The following PTPRD variants were observed in gnomAD, a reference collection of about 807,000 sequenced individuals.
The protein encoded by PTPRD is receptor-type tyrosine-protein phosphatase delta.
Under a neutral mutation model 214.5 loss-of-function variants are expected in PTPRD, and 34 were observed. The observed-to-expected ratio is 0.16, with a 90% confidence interval of 0.12 to 0.21. The LOEUF (loss-of-function observed/expected upper bound fraction) is 0.21, where lower values mean the gene tolerates loss of function less well. Among genes scored for constraint, PTPRD ranks in the 10% least tolerant of loss-of-function variants. The probability of loss-of-function intolerance (pLI) is 1.00; values close to 1 mark genes in which losing one functional copy is unlikely to be tolerated. For missense variants in PTPRD, 2,545 were observed against 2,398.7 expected, an observed-to-expected ratio of 1.06 and a Z score of -1.27; for synonymous variants, 1,128 against 845.7, an observed-to-expected ratio of 1.33 and a Z score of -5.79.
chr9:9,873,785 C>G (rs963711897), intron 5 of PTPRD, among the ~76,000 whole-genome samples: 1 of 151,806 alleles, frequency 6.6e-6, no homozygotes, highest in South Asian at 2.1e-4. Flanking sequence ...CTGAGTATCC[C>G]CATAGCAGCA....
At chr9:9,506,186 A>T (rs1489421771) in intron 8 of PTPRD, among the ~76,000 whole-genome samples, 2 of 151,508 alleles carry the variant, frequency 1.3e-5, no homozygotes, top group Admixed American at 1.3e-4. Flanking sequence ...AGATTTTTAA[A>T]TTCACGCAGC....
intron 35 of PTPRD, among the ~76,000 whole-genome samples, chr9:8,417,908 T>C (rs2094061915): frequency 6.6e-6 from 1 of 152,162 alleles, no homozygotes; most frequent in African/African-American, 2.4e-5. Flanking sequence ...TTAGTTCTCT[T>C]TGAAAGAGTA....
At chr9:8,358,619 C>G (rs186554788) in intron 39 of PTPRD, among the ~76,000 whole-genome samples, 1 of 152,200 alleles carries the variant, frequency 6.6e-6, no homozygotes, top group African/African-American at 2.4e-5. Context: ...TAAATAATAG[C>G]TTCTTGATCA....
chr9:10,289,787 T>C (rs927773066), intron 3 of PTPRD, among the ~76,000 whole-genome samples: 3 of 152,138 alleles, frequency 2.0e-5, no homozygotes, highest in Non-Finnish European at 1.5e-5. Flanking sequence ...GTTTAAAATA[T>C]AGTAAGGTAC....
chr9:8,754,843 T>C (rs1394374474), intron 11 of PTPRD, among the ~76,000 whole-genome samples: 1 of 152,192 alleles, frequency 6.6e-6, no homozygotes, highest in African/African-American at 2.4e-5. Flanking sequence ...CCTGAAGCTA[T>C]CCATTTCTAT....
rs2099246188 is a variant in PTPRD at position 8,972,763 on chromosome 9, C to G, written c.-104+45934G>C. Among the ~76,000 whole-genome samples the G allele has an allele frequency of 2.0e-5, 3 of 151,858 alleles. No homozygotes were observed. The South Asian group carries it at 6.2e-4, about 31-fold the overall frequency. Reference sequence around the variant, plus strand: ...ACCAAGTACAGACTTTTGTTTTAATCTACATTTTTCCCAAGAACATTTAAT... The same window carrying G: ...ACCAAGTACAGACTTTTGTTTTAATGTACATTTTTCCCAAGAACATTTAAT... On this transcript the variant is annotated intron_variant, in intron 11 of 45. Coordinates refer to ENST00000381196, the MANE Select transcript of PTPRD (RefSeq NM_002839.4).
chr9:9,019,497 G>C (rs62531090), intron 10 of PTPRD, among the ~76,000 whole-genome samples: 1 of 151,970 alleles, frequency 6.6e-6, no homozygotes, highest in Non-Finnish European at 1.5e-5. Context: ...TTAAGGTCAG[G>C]AATTCAACAC....
Position 10,279,197 on chromosome 9 carries a change from T to TAGA in PTPRD, c.-545+61765_-545+61766insTCT, listed in dbSNP as rs1450571504. On this transcript the variant is annotated intron_variant, in intron 3 of 45. Transcript: ENST00000381196. ...ACTCTTGTCAGTAGTAAGAACATATTAACAAGTGTAGTTCAAGGGCATATG... is the reference window on the plus strand; with the variant it reads ...ACTCTTGTCAGTAGTAAGAACATATTAGAAACAAGTGTAGTTCAAGGGCATATG... Among the ~76,000 whole-genome samples the TAGA allele has an allele frequency of 3.5e-3, 536 of 152,276 alleles. 5 individuals are homozygous for TAGA. Among genetic ancestry groups the TAGA allele is most frequent in the African/African-American group, 0.012 (517 of 41,538 alleles).
At chr9:10,515,511 T>C (rs2049773611) in intron 2 of PTPRD, among the ~76,000 whole-genome samples, 2 of 152,048 alleles carry the variant, frequency 1.3e-5, no homozygotes, top group African/African-American at 4.8e-5. Flanking sequence ...TTTTTCTTCA[T>C]AGTTTCAGCA....
At chr9:9,769,978 T>C (rs925636633) in intron 5 of PTPRD, among the ~76,000 whole-genome samples, 2 of 152,230 alleles carry the variant, frequency 1.3e-5, no homozygotes, top group Non-Finnish European at 2.9e-5. Flanking sequence ...ATGGTGTATA[T>C]GTGCCACATT....
chr9:10,144,663 G>A (rs889172665), intron 3 of PTPRD, among the ~76,000 whole-genome samples: 1 of 152,088 alleles, frequency 6.6e-6, no homozygotes, highest in Admixed American at 6.6e-5. Context: ...CTCCACTGGA[G>A]AGGAAGAATT....
intron 2 of PTPRD, among the ~76,000 whole-genome samples, chr9:10,450,129 G>C (rs1033784484): frequency 1.3e-5 from 2 of 151,690 alleles, no homozygotes; most frequent in African/African-American, 4.9e-5. Flanking sequence ...CCTCTGCCTA[G>C]GAAAACCAGA....
At chr9:10,552,304 C>G (rs1302484928) in intron 2 of PTPRD, among the ~76,000 whole-genome samples, 1 of 152,086 alleles carries the variant, frequency 6.6e-6, no homozygotes, top group East Asian at 1.9e-4. Context: ...CCAAAAGTTT[C>G]TAAATTCTCT....
chr9:8,684,020 G>A (rs1023385593), intron 12 of PTPRD, among the ~76,000 whole-genome samples: 57 of 152,130 alleles, frequency 3.7e-4, no homozygotes, highest in Admixed American at 3.5e-3. Context: ...AGTAGGTAAG[G>A]TCAGAAGACT....
intron 7 of PTPRD, among the ~76,000 whole-genome samples, chr9:9,726,146 A>G (rs954251475): frequency 6.6e-6 from 1 of 152,194 alleles, no homozygotes; most frequent in African/African-American, 2.4e-5. Flanking sequence ...TACCAAGAAA[A>G]TGTTATCCCA....
At chr9:9,925,317 A>G (rs2153893262) in intron 5 of PTPRD, among the ~76,000 whole-genome samples, 1 of 152,200 alleles carries the variant, frequency 6.6e-6, no homozygotes, top group Admixed American at 6.5e-5. Flanking sequence ...CCCTCTCCAG[A>G]AAAACAAAAA....
intron 2 of PTPRD, among the ~76,000 whole-genome samples, chr9:10,427,224 C>T (rs562708491): frequency 1.3e-5 from 2 of 152,036 alleles, no homozygotes; most frequent in African/African-American, 4.8e-5. Flanking sequence ...AGGATTTATA[C>T]TATCATTTTT....
At chr9:9,399,508 C>A (rs2069297064) in intron 8 of PTPRD, among the ~76,000 whole-genome samples, 1 of 151,806 alleles carries the variant, frequency 6.6e-6, no homozygotes, top group Non-Finnish European at 1.5e-5. Context: ...TGGACATTTT[C>A]CCCTCCAAAG....
chr9:10,223,474 G>A (rs1027353274), intron 3 of PTPRD, among the ~76,000 whole-genome samples: 5 of 151,800 alleles, frequency 3.3e-5, no homozygotes, highest in African/African-American at 9.7e-5. Context: ...GACCAGCCTG[G>A]CCAATGTGGC....
Sources: gnomAD v4.1 joint callset for allele counts (sites outside exome capture counted in the v4.1 genomes callset) on GRCh38, gnomAD v4.1.1 for gene constraint, MANE v1.5 for transcripts, NCBI Gene and HGNC (gene_info 2026-07-23, HGNC 2026-07-21) for gene names.